The following AFAP1L2 variants were observed in gnomAD, a reference collection of about 807,000 sequenced individuals.
AFAP1L2 encodes the protein actin filament-associated protein 1-like 2.
In AFAP1L2, 46 loss-of-function variants were observed where a neutral mutation model predicts 99.3. The ratio of observed to expected loss-of-function variants is 0.46; its 90% CI spans 0.37 to 0.59. The LOEUF is 0.59. AFAP1L2 is among the 20% of genes least tolerant of loss of function. The pLI is 0.00. For synonymous variants in AFAP1L2, 397 were observed against 419.1 expected (o/e 0.95, Z 0.64); for missense variants, 959 against 1,034.9 (o/e 0.93, Z 1.01).
intron 1 of AFAP1L2, among the ~76,000 whole-genome samples, chr10:114,371,475 A>G (rs1358623478): frequency 6.6e-6 from 1 of 152,246 alleles, no homozygotes; most frequent in East Asian, 1.9e-4. Context: ...AAGATGATTT[A>G]CCAAGCTCAG....
the AFAP1L2 span, among the ~76,000 whole-genome samples, chr10:114,286,861 A>C: frequency 2.0e-5 from 3 of 152,244 alleles, no homozygotes; most frequent in African/African-American, 7.2e-5. Context: ...AGCAGGCTCC[A>C]GAGCAGCAGC....
the AFAP1L2 span, among the ~76,000 whole-genome samples, chr10:114,283,027 C>T: frequency 7.2e-5 from 11 of 152,326 alleles, no homozygotes; most frequent in Admixed American, 5.9e-4. Context: ...GAAGTAATCC[C>T]TCAGCTGTAA....
chr10:114,326,114 G>T lies in AFAP1L2; in HGVS notation c.316-2853C>A, dbSNP rs551068463. On this transcript the variant is annotated intron_variant, in intron 4 of 18. Transcript: ENST00000304129. ...CCCCATGGGTCATCATCACCACAGG[G>T]TCTGTCCCTGGGGGCCTCCTGTCCT... 1.7e-4 allele frequency: 196 copies of T among 1,186,140 alleles called. 1 individual carries two copies. The African/African-American group carries it at 2.3e-3, about 14-fold the overall frequency. The allele number at this position is 1,186,140 out of a possible 1,614,324, so 73.5% of individuals were successfully genotyped here. A position where few individuals can be genotyped will look rare whatever the true frequency, so the allele number is the denominator to read the frequency against.
intron 7 of AFAP1L2, 68 bp downstream of exon 7, chr10:114,313,803 C>T: frequency 8.8e-6 from 13 of 1,474,764 alleles, no homozygotes; most frequent in Non-Finnish European, 1.1e-5. Context: ...CCCTATCATC[C>T]ATCCCTTTAG....
At chr10:114,322,269 TA>T in intron 5 of AFAP1L2, among the ~76,000 whole-genome samples, 1 of 152,194 alleles carries the variant, frequency 6.6e-6, no homozygotes, top group Non-Finnish European at 1.5e-5. Context: ...TACACTAAGT[TA>T]GGTCAGTCCC....
intron 1 of AFAP1L2, among the ~76,000 whole-genome samples, chr10:114,388,855 A>T (rs1175495719): frequency 1.3e-5 from 2 of 152,214 alleles, no homozygotes; most frequent in Admixed American, 6.5e-5. Context: ...CAAGGGACCC[A>T]GAAATTGGAA....
At chr10:114,381,787 C>T (rs2055652619) in intron 1 of AFAP1L2, among the ~76,000 whole-genome samples, 1 of 151,832 alleles carries the variant, frequency 6.6e-6, no homozygotes, top group African/African-American at 2.4e-5. Context: ...GGTTAATCTC[C>T]TTCACACATA....
rs535717686 is a variant in AFAP1L2 at position 114,371,754 on chromosome 10, A to G, written c.17-31023T>C. Among the ~76,000 whole-genome samples the G allele has an allele frequency of 3.3e-5, 5 of 151,728 alleles. 1 individual carries two copies. In the South Asian group the frequency reaches 1.0e-3, roughly 32 times the overall value. ...CAGCAAACCACCATGGCACGTGTAT[A>G]CCTATGTAACAAACCTGCATGTTCT... On this transcript the variant is annotated intron_variant, in intron 1 of 18. Coordinates refer to ENST00000304129, the MANE Select transcript of AFAP1L2 (RefSeq NM_001001936.3).
At chr10:114,315,488 C>G in intron 6 of AFAP1L2, 72 bp downstream of exon 6, 1 of 1,516,728 alleles carries the variant, frequency 6.6e-7, no homozygotes, top group Non-Finnish European at 9.0e-7. Context: ...ACCATCCTGT[C>G]CCTCCTTCCC....
the AFAP1L2 span, chr10:114,282,409 C>T: frequency 1.1e-6 from 1 of 882,518 alleles, no homozygotes; most frequent in Non-Finnish European, 1.9e-6. Flanking sequence ...TTTCTTACTT[C>T]TGCATTGGAA....
rs548563296 is a variant in AFAP1L2 at position 114,318,147 on chromosome 10, C to T, written c.407-2382G>A. On this transcript the variant is annotated intron_variant, in intron 5 of 18. Coordinates refer to ENST00000304129, the MANE Select transcript of AFAP1L2 (RefSeq NM_001001936.3). ...TAGTTGATTTGATGGGTAGTAGGAT[C>T]AGGGTGATTTAAAAATGTTTTTCCT... Among the ~76,000 whole-genome samples, 126 of 152,294 alleles carry T rather than the reference C, an allele frequency of 8.3e-4. 1 individual carries two copies. Among genetic ancestry groups the T allele is most frequent in the African/African-American group, 2.9e-3 (119 of 41,564 alleles).
the AFAP1L2 span, chr10:114,288,860 A>G: frequency 1.3e-6 from 2 of 1,511,048 alleles, no homozygotes; most frequent in East Asian, 2.3e-5. Flanking sequence ...GTCCTACCCA[A>G]CCTGGCAGTC....
intron 9 of AFAP1L2, 28 bp from the exon 10 acceptor site, chr10:114,307,937 G>A (rs781074917): frequency 3.0e-5 from 48 of 1,601,414 alleles, no homozygotes; most frequent in Middle Eastern, 1.6e-4. Context: ...AAAGCAATTC[G>A]TATTGCACGT....
At chr10:114,396,930 T>C (rs1038222693) in intron 1 of AFAP1L2, among the ~76,000 whole-genome samples, 9 of 152,218 alleles carry the variant, frequency 5.9e-5, no homozygotes, top group African/African-American at 2.2e-4. Flanking sequence ...CTTTTTGTTT[T>C]GTACCAAATT....
intron 10 of AFAP1L2, among the ~76,000 whole-genome samples, chr10:114,307,406 T>C (rs1016922534): frequency 3.9e-5 from 6 of 152,150 alleles, no homozygotes; most frequent in Admixed American, 3.9e-4. Context: ...CAGTGCGTGC[T>C]TATGGGTATA....
intron 1 of AFAP1L2, among the ~76,000 whole-genome samples, chr10:114,381,437 T>A (rs1280458527): frequency 1.3e-5 from 2 of 152,178 alleles, no homozygotes; most frequent in Admixed American, 1.3e-4. Flanking sequence ...AGGTTTTTTA[T>A]TGAGATGATG....
At chr10:114,344,767 C>T (rs1041124984) in intron 1 of AFAP1L2, among the ~76,000 whole-genome samples, 24 of 152,182 alleles carry the variant, frequency 1.6e-4, no homozygotes, top group Admixed American at 1.4e-3. Flanking sequence ...TTGAGGAATG[C>T]ATAGGAGCTC....
At chr10:114,352,233 C>T (rs7897136) in intron 1 of AFAP1L2, among the ~76,000 whole-genome samples, 150,621 of 152,274 alleles carry the variant, frequency 0.99, 74,514 homozygotes, top group East Asian at 1. Context: ...GCACTTTGGG[C>T]GGCCAAGGAA....
At chr10:114,368,919 A>G (rs761212546) in intron 1 of AFAP1L2, among the ~76,000 whole-genome samples, 1 of 152,130 alleles carries the variant, frequency 6.6e-6, no homozygotes. Flanking sequence ...CCTTAAATGT[A>G]TACAATTTTT....
Sources: gnomAD v4.1 joint callset for allele counts (sites outside exome capture counted in the v4.1 genomes callset) on GRCh38, gnomAD v4.1.1 for gene constraint, MANE v1.5 for transcripts, NCBI Gene and HGNC (gene_info 2026-07-23, HGNC 2026-07-21) for gene names.